Variants in TMEM101 observed in about 807,000 individuals in gnomAD.
The protein encoded by TMEM101 is transmembrane protein 101, also known as putative NF-kappa-B-activating protein 130.
Under a neutral mutation model 26.0 loss-of-function variants are expected in TMEM101, and 14 were observed. That is an observed-to-expected ratio of 0.54 (90% CI 0.36 to 0.84). The LOEUF (loss-of-function observed/expected upper bound fraction) is 0.84, where lower values mean the gene tolerates loss of function less well. TMEM101 is among the 40% of genes least tolerant of loss of function. TMEM101 has a pLI of 0.01. For missense variants in TMEM101, 292 were observed against 345.1 expected, an observed-to-expected ratio of 0.85 and a Z score of 1.22; for synonymous variants, 152 against 145.1, an observed-to-expected ratio of 1.05 and a Z score of -0.34.
At chr17:44,018,082 A>G (rs1032984700), upstream of TMEM101, among the ~76,000 whole-genome samples, 1 of 151,990 alleles carries the variant, frequency 6.6e-6, no homozygotes, top group Admixed American at 6.6e-5. Flanking sequence ...TCGAGATCGC[A>G]CCACTGCACT....
Position 44,011,360 on chromosome 17 carries a change from T to C in TMEM101, c.*568A>G, listed in dbSNP as rs2049155527. 1 of 155,648 alleles carries C rather than the reference T, an allele frequency of 6.4e-6. No individual in the cohort carries two copies. The highest frequency in any genetic ancestry group is 2.0e-4 in the South Asian group (1 of 5,038). 9.6% of individuals were successfully genotyped at this position (155,648 alleles called of 1,614,324 possible). A position where few individuals can be genotyped will look rare whatever the true frequency, so the allele number is the denominator to read the frequency against. On this transcript the variant is annotated 3_prime_UTR_variant, in exon 4 of 4. Transcript: ENST00000206380. Reference sequence around the variant, plus strand: ...CAGAGCAGAACAGGGTCTGCTCTACTCTCAAGGTGAGTGACAGAGAGCCGG... The same window carrying C: ...CAGAGCAGAACAGGGTCTGCTCTACCCTCAAGGTGAGTGACAGAGAGCCGG...
Position 44,014,848 on chromosome 17 carries a change from G to A in TMEM101, c.105C>T (p.Leu35=). 1.9e-6 allele frequency: 3 copies of A among 1,612,606 alleles called. No individual in the cohort carries two copies. The highest frequency in any genetic ancestry group is 2.5e-6 in the Non-Finnish European group (3 of 1,179,172). The change falls in exon 1 of 4, where the codon CTC becomes CTT. Residue 35 remains leucine, a synonymous_variant. Coordinates refer to ENST00000206380, the MANE Select transcript of TMEM101 (RefSeq NM_032376.4). The stretch of plus-strand genomic sequence containing the variant: ...CCTCAGCCCTCTCAGCGTACAGCAT[G>A]AGCTGGCTGAAGCAGCCCCAAAAGG... The part of the protein sequence containing the change: ...RCPFWGCFSQ[L]MLYAERAEAR...
chr17:44,022,416 T>C (rs1318352426), intron 1 of TMEM101, among the ~76,000 whole-genome samples: 1 of 152,224 alleles, frequency 6.6e-6, no homozygotes, highest in Non-Finnish European at 1.5e-5. Flanking sequence ...AATAGGCTGA[T>C]AGCTTTGAGC....
chr17:44,014,246 T>TG, intron 2 of TMEM101, 111 bp downstream of exon 2: 1 of 1,327,216 alleles, frequency 7.5e-7, no homozygotes, highest in South Asian at 1.5e-5. Flanking sequence ...CTCCCAGGCT[T>TG]CACACTGTGC....
chr17:44,012,286 C>CT, intron 3 of TMEM101, 50 bp from the exon 4 acceptor site: 1 of 1,536,860 alleles, frequency 6.5e-7, no homozygotes, highest in Non-Finnish European at 8.8e-7. Context: ...AGAAGCCTGT[C>CT]TGGGGTAAAC....
upstream of TMEM101, among the ~76,000 whole-genome samples, chr17:44,016,961 C>T (rs1301754074): frequency 2.6e-5 from 4 of 151,944 alleles, no homozygotes; most frequent in South Asian, 8.3e-4. Flanking sequence ...GGTGAAACCC[C>T]GTCTCTACTA....
upstream of TMEM101, chr17:44,019,268 G>A (rs1480527164): frequency 2.5e-6 from 1 of 404,834 alleles, no homozygotes; most frequent in Admixed American, 2.8e-5. Flanking sequence ...ACCAGACTGG[G>A]AAGCAACAGC....
chr17:44,012,423 G>A, intron 3 of TMEM101, 187 bp from the exon 4 acceptor site: 1 of 605,010 alleles, frequency 1.7e-6, no homozygotes, highest in Non-Finnish European at 2.9e-6. Context: ...AGGAGATTAG[G>A]GCCCATGTCT....
At chr17:44,012,434 C>G (rs1275324922) in intron 3 of TMEM101, 198 bp from the exon 4 acceptor site, 2 of 595,042 alleles carry the variant, frequency 3.4e-6, no homozygotes, top group South Asian at 4.2e-5. Context: ...GCCCATGTCT[C>G]CCCTCACCCT....
At chr17:44,022,865 A>C (rs932727166) in intron 1 of TMEM101, among the ~76,000 whole-genome samples, 1 of 152,204 alleles carries the variant, frequency 6.6e-6, no homozygotes, top group African/African-American at 2.4e-5. Flanking sequence ...GGGAGAAGAA[A>C]AGGTGCACAC....
chr17:44,012,024 G>A lies in TMEM101; in HGVS notation c.678C>T (p.His226=), dbSNP rs758611877. ...LLIDGNVAYW[H]NTRRVEFWNQ... is the part of the protein sequence containing the mutation. ...TCCAGAACTCAACACGCCGCGTGTT[G>A]TGCCAGTAAGCAACATTGCCATCAA... Residue 226 remains histidine (H), a synonymous_variant, in exon 4 of 4, where the codon CAC becomes CAT. Coordinates refer to ENST00000206380, the MANE Select transcript of TMEM101 (RefSeq NM_032376.4). 3.3e-5 allele frequency: 53 copies of A among 1,614,120 alleles called. No homozygotes were observed. The highest frequency in any genetic ancestry group is 3.3e-4 in the Middle Eastern group (2 of 6,084).
Position 44,014,554 on chromosome 17 carries a change from G to T in TMEM101, c.138-17C>A. 1 of 1,568,448 alleles carries T rather than the reference G, an allele frequency of 6.4e-7. No individual in the cohort carries two copies. The highest frequency in any genetic ancestry group is 2.3e-5 in the East Asian group (1 of 42,928). On this transcript the variant is annotated splice_polypyrimidine_tract_variant and intron_variant, in intron 1 of 3. Transcript: ENST00000206380. ...TCGGGCTTCCTGCGAGCCGGGAGTGGGGAAGCAACGAGGACAGAATGAAGC... is the reference window on the plus strand; with the variant it reads ...TCGGGCTTCCTGCGAGCCGGGAGTGTGGAAGCAACGAGGACAGAATGAAGC...
At chr17:44,018,246 C>T (rs542836884), upstream of TMEM101, among the ~76,000 whole-genome samples, 1 of 152,184 alleles carries the variant, frequency 6.6e-6, no homozygotes, top group African/African-American at 2.4e-5. Context: ...AAGAGGATTC[C>T]TCGAGGAGTT....
At chr17:44,019,652 T>C (rs1430074576), upstream of TMEM101, among the ~76,000 whole-genome samples, 2 of 152,236 alleles carry the variant, frequency 1.3e-5, no homozygotes, top group Admixed American at 1.3e-4. Flanking sequence ...TGGTGACCAT[T>C]GTTTGTGTCC....
Position 44,012,335 on chromosome 17 carries a change from T to C in TMEM101, c.466-99A>G, listed in dbSNP as rs944716279. 5.1e-6 allele frequency: 6 copies of C among 1,178,008 alleles called. No homozygotes were observed. In the African/African-American group the frequency reaches 9.3e-5, roughly 18 times the overall value. The allele number at this position is 1,178,008 out of a possible 1,614,324, so 73.0% of individuals were successfully genotyped here. ...GCACCTGCAAATGAGTCCCTGCAGATGGGCTTCTGACTCCCCTCTTGGACT... is the reference window on the plus strand; with the variant it reads ...GCACCTGCAAATGAGTCCCTGCAGACGGGCTTCTGACTCCCCTCTTGGACT... On this transcript the variant is annotated intron_variant, in intron 3 of 3. Coordinates refer to ENST00000206380, the MANE Select transcript of TMEM101 (RefSeq NM_032376.4).
At chr17:44,014,169 G>A (rs1288337508) in intron 2 of TMEM101, among the ~76,000 whole-genome samples, 188 bp downstream of exon 2, 1 of 152,162 alleles carries the variant, frequency 6.6e-6, no homozygotes, top group East Asian at 1.9e-4. Flanking sequence ...CTTTGAAGAG[G>A]AAGTTTGTGT....
chr17:44,020,276 C>T (rs1424992908), intron 2 of TMEM101, among the ~76,000 whole-genome samples: 2 of 152,158 alleles, frequency 1.3e-5, no homozygotes, highest in African/African-American at 4.8e-5. Context: ...CTGTAGGATT[C>T]GCATACCTAG....
upstream of TMEM101, among the ~76,000 whole-genome samples, chr17:44,019,766 C>T (rs1335056840): frequency 2.6e-5 from 4 of 152,186 alleles, no homozygotes; most frequent in African/African-American, 7.2e-5. Context: ...ACAGGGAAGC[C>T]ACAATTGATA....
chr17:44,013,297 G>T, intron 2 of TMEM101, 142 bp from the exon 3 acceptor site: 1 of 748,486 alleles, frequency 1.3e-6, no homozygotes, highest in Non-Finnish European at 1.9e-6. Flanking sequence ...GTGGGCAGGT[G>T]CAACAGAGAC....
Sources: allele counts gnomAD v4.1 joint callset (sites outside exome capture counted in the v4.1 genomes callset), GRCh38; gene constraint gnomAD v4.1.1; transcripts MANE v1.5; gene names NCBI Gene and HGNC (gene_info 2026-07-23, HGNC 2026-07-21).